The following SCFD2 variants were observed in gnomAD, a reference collection of about 807,000 sequenced individuals.
The protein encoded by SCFD2 is sec1 family domain-containing protein 2.
A neutral mutation model predicts 58.9 loss-of-function variants in SCFD2; 54 were observed. The observed-to-expected ratio is 0.92, with a 90% CI of 0.74 to 1.15. The LOEUF is 1.15. Among genes scored for constraint, SCFD2 ranks in the 50% most tolerant of loss-of-function variants. The pLI, the probability that SCFD2 is intolerant of heterozygous loss-of-function variation, is 0.00. For synonymous variants in SCFD2, 321 were observed against 335.9 expected (o/e 0.96, Z 0.49); for missense variants, 805 against 836.6 (o/e 0.96, Z 0.47).
intron 5 of SCFD2, among the ~76,000 whole-genome samples, chr4:52,968,807 G>A (rs2109548786): frequency 6.6e-6 from 1 of 152,130 alleles, no homozygotes; most frequent in South Asian, 2.1e-4. Context: ...TCTCATGTGG[G>A]GGCAGCCAAA....
chr4:53,246,079 T>A (rs1730060803), intron 4 of SCFD2, among the ~76,000 whole-genome samples: 1 of 152,156 alleles, frequency 6.6e-6, no homozygotes, highest in East Asian at 1.9e-4. Context: ...AAATCAGAAA[T>A]GTAATCCCAT....
chr4:52,941,606 C>G lies in SCFD2; in HGVS notation c.1562-20736G>C, dbSNP rs570117176. On this transcript the variant is annotated intron_variant, in intron 5 of 8. Coordinates refer to ENST00000401642, the MANE Select transcript of SCFD2 (RefSeq NM_152540.4). ...GTATTGGGAAGCCAGACACTCACTCCGGTTCACTTATCTGGCACACAGAAG... is the reference window on the plus strand; with the variant it reads ...GTATTGGGAAGCCAGACACTCACTCGGGTTCACTTATCTGGCACACAGAAG... 2.6e-5 allele frequency among the ~76,000 whole-genome samples: 4 copies of G among 152,320 alleles called. No homozygotes were observed. The South Asian group carries it at 6.2e-4, about 24-fold the overall frequency.
intron 3 of SCFD2, among the ~76,000 whole-genome samples, chr4:53,308,902 G>A (rs1048088219): frequency 1.2e-4 from 18 of 152,128 alleles, no homozygotes; most frequent in Admixed American, 8.5e-4. Flanking sequence ...AGGCCGAGGC[G>A]GGCGGATCAC....
chr4:53,080,875 A>T (rs562007088), intron 5 of SCFD2, among the ~76,000 whole-genome samples: 15 of 152,216 alleles, frequency 9.9e-5, no homozygotes, highest in Admixed American at 6.5e-5. Flanking sequence ...CATCTAAAGC[A>T]AACATACATG....
At chr4:53,259,148 A>C (rs916388970) in intron 4 of SCFD2, among the ~76,000 whole-genome samples, 3 of 152,054 alleles carry the variant, frequency 2.0e-5, no homozygotes, top group Admixed American at 6.6e-5. Context: ...GATTGTAAAG[A>C]TTTTCTCCCA....
At chr4:52,958,176 A>C (rs1340711875) in intron 5 of SCFD2, 1 of 152,244 alleles carries the variant, frequency 6.6e-6, no homozygotes, top group Non-Finnish European at 1.5e-5. Context: ...GGTGGGAAGC[A>C]AAAACAAAGA....
intron 4 of SCFD2, among the ~76,000 whole-genome samples, chr4:53,258,520 G>A (rs574564192): frequency 1.2e-4 from 16 of 134,162 alleles, no homozygotes; most frequent in East Asian, 2.3e-4. Flanking sequence ...TGGCTAAGTC[G>A]TATTCCATGG....
At chr4:53,223,323 C>G (rs952958939) in intron 4 of SCFD2, among the ~76,000 whole-genome samples, 10 of 152,182 alleles carry the variant, frequency 6.6e-5, no homozygotes, top group African/African-American at 2.4e-4. Flanking sequence ...ATTGCTTTAA[C>G]TAGTGAAAAG....
chr4:53,253,194 A>C (rs1389299375), intron 4 of SCFD2, among the ~76,000 whole-genome samples: 3 of 152,240 alleles, frequency 2.0e-5, no homozygotes, highest in Non-Finnish European at 4.4e-5. Context: ...ATGAGATACT[A>C]TCTCCCACCA....
rs1003513530 is a variant in SCFD2 at position 53,363,428 on chromosome 4, C to A, written c.838+1676G>T. ...CCTCCCAAAGTGATGGGATTACAGG[C>A]ATGAGCCACTGTGCCGGGCTCTAAA... is the stretch of plus-strand genomic sequence containing the variant. On this transcript the variant is annotated intron_variant, in intron 1 of 8. Coordinates refer to ENST00000401642, the MANE Select transcript of SCFD2 (RefSeq NM_152540.4). Among the ~76,000 whole-genome samples, 12 of 152,180 alleles carry A rather than the reference C, an allele frequency of 7.9e-5. No homozygotes were observed. The South Asian group carries it at 1.5e-3, about 18-fold the overall frequency.
intron 5 of SCFD2, among the ~76,000 whole-genome samples, chr4:53,136,768 C>T (rs536328883): frequency 3.3e-5 from 5 of 152,256 alleles, no homozygotes; most frequent in South Asian, 2.1e-4. Flanking sequence ...CACTTGACTC[C>T]GAATCCTGTG....
intron 7 of SCFD2, among the ~76,000 whole-genome samples, chr4:52,891,570 T>C (rs1718877830): frequency 6.6e-6 from 1 of 152,260 alleles, no homozygotes; most frequent in Admixed American, 6.5e-5. Context: ...ACCATCTCAC[T>C]GCAGAGCAGT....
intron 5 of SCFD2, among the ~76,000 whole-genome samples, chr4:53,062,106 T>G (rs1723531123): frequency 6.6e-6 from 1 of 151,786 alleles, no homozygotes; most frequent in Non-Finnish European, 1.5e-5. Flanking sequence ...GTGTGGTGGC[T>G]CAGACCTGTA....
chr4:53,220,488 A>T (rs1407695001), intron 4 of SCFD2, among the ~76,000 whole-genome samples: 1 of 152,234 alleles, frequency 6.6e-6, no homozygotes, highest in Admixed American at 6.5e-5. Flanking sequence ...TTGTTGAAAT[A>T]ACTAAGTAAT....
At chr4:53,292,875 G>C (rs1379146438) in intron 3 of SCFD2, among the ~76,000 whole-genome samples, 1 of 151,578 alleles carries the variant, frequency 6.6e-6, no homozygotes, top group Non-Finnish European at 1.5e-5. Context: ...GTCAGGGGTT[G>C]GGGGGCAAGA....
At chr4:53,233,935 AG>A (rs1378320058) in intron 4 of SCFD2, among the ~76,000 whole-genome samples, 1 of 152,214 alleles carries the variant, frequency 6.6e-6, no homozygotes, top group Non-Finnish European at 1.5e-5. Context: ...GATATATCAA[AG>A]AAAAACAAAC....
At chr4:53,137,285 CT>C (rs1311721608) in intron 5 of SCFD2, among the ~76,000 whole-genome samples, 1 of 152,180 alleles carries the variant, frequency 6.6e-6, no homozygotes, top group East Asian at 1.9e-4. Flanking sequence ...TGCCTTTTAC[CT>C]TCATCCTTCC....
Position 52,880,407 on chromosome 4 carries a change from G to A in SCFD2, c.1962+5340C>T, listed in dbSNP as rs2109441591. Among the ~76,000 whole-genome samples the A allele has an allele frequency of 2.0e-5, 3 of 151,842 alleles. No homozygotes were observed. In the South Asian group the frequency reaches 6.3e-4, roughly 32 times the overall value. On this transcript the variant is annotated intron_variant, in intron 8 of 8. Transcript: ENST00000401642. ...CAAGGCGGGTGGATCACTTGAGGTA[G>A]GAGTTCAAGACCAGCCTGGCCAACA...
chr4:53,232,805 T>A (rs1423552062), intron 4 of SCFD2, among the ~76,000 whole-genome samples: 1 of 152,158 alleles, frequency 6.6e-6, no homozygotes, highest in African/African-American at 2.4e-5. Context: ...CAGACAGACT[T>A]AACAGGTTCT....
Sources: allele counts gnomAD v4.1 joint callset (sites outside exome capture counted in the v4.1 genomes callset), GRCh38; gene constraint gnomAD v4.1.1; transcripts MANE v1.5; gene names NCBI Gene and HGNC (gene_info 2026-07-23, HGNC 2026-07-21).